The following TMTC2 variants were observed in gnomAD, a reference collection of about 807,000 sequenced individuals.
TMTC2 encodes the protein protein O-mannosyl-transferase TMTC2.
A neutral mutation model predicts 82.4 loss-of-function variants in TMTC2; 43 were observed. That is an observed-to-expected ratio of 0.52 (90% CI 0.41 to 0.67). The LOEUF (loss-of-function observed/expected upper bound fraction) is 0.67. Ranked by LOEUF, TMTC2 falls within the 30% of genes least tolerant of loss-of-function variation. The probability of loss-of-function intolerance (pLI) is 0.00; values close to 1 mark genes in which losing one functional copy is unlikely to be tolerated. For missense variants in TMTC2, 919 were observed against 1,012.4 expected (o/e 0.91, Z 1.25); for synonymous variants, 408 against 381.9 (o/e 1.07, Z -0.80).
chr12:82,871,385 A>G (rs1403132287), intron 2 of TMTC2, among the ~76,000 whole-genome samples: 1 of 149,732 alleles, frequency 6.7e-6, no homozygotes, highest in Non-Finnish European at 1.5e-5. Context: ...TTTTCACATT[A>G]CTTGGCTTTG....
chr12:82,771,693 A>G (rs546960440), intron 1 of TMTC2, among the ~76,000 whole-genome samples: 1 of 152,234 alleles, frequency 6.6e-6, no homozygotes. Context: ...TCAGTAGGAC[A>G]GAAAGGTTAT....
chr12:82,708,686 G>T (rs1382319995), intron 1 of TMTC2, among the ~76,000 whole-genome samples: 1 of 152,186 alleles, frequency 6.6e-6, no homozygotes, highest in Non-Finnish European at 1.5e-5. Flanking sequence ...CTGCTTCTAC[G>T]ATGCTCGAGT....
intron 1 of TMTC2, among the ~76,000 whole-genome samples, chr12:82,823,622 C>T (rs1195177286): frequency 6.6e-6 from 1 of 152,134 alleles, no homozygotes; most frequent in East Asian, 1.9e-4. Flanking sequence ...TAAAAATCTA[C>T]AGTTAGGGAA....
intron 7 of TMTC2, among the ~76,000 whole-genome samples, chr12:82,975,904 A>T (rs1878649223): frequency 6.6e-6 from 1 of 151,982 alleles, no homozygotes; most frequent in African/African-American, 2.4e-5. Context: ...TTTTAAAAAA[A>T]AAATAATGCT....
intron 11 of TMTC2, among the ~76,000 whole-genome samples, chr12:83,123,116 C>T (rs1422483912): frequency 6.6e-6 from 1 of 152,170 alleles, no homozygotes; most frequent in Non-Finnish European, 1.5e-5. Flanking sequence ...GTATAACACC[C>T]AACACTGTGA....
chr12:82,980,656 T>TC (rs1341671520), intron 7 of TMTC2, among the ~76,000 whole-genome samples: 1 of 151,708 alleles, frequency 6.6e-6, no homozygotes, highest in South Asian at 2.1e-4. Flanking sequence ...AATAGGCTTT[T>TC]CCCCCCATGA....
chr12:82,887,952 G>A (rs565244349), intron 2 of TMTC2, among the ~76,000 whole-genome samples: 20 of 152,240 alleles, frequency 1.3e-4, no homozygotes, highest in African/African-American at 4.8e-4. Flanking sequence ...GGTGGCACAT[G>A]CCTGTAATTC....
chr12:83,122,168 C>CT (rs1218371460), intron 11 of TMTC2, among the ~76,000 whole-genome samples: 1 of 151,836 alleles, frequency 6.6e-6, no homozygotes, highest in Non-Finnish European at 1.5e-5. Flanking sequence ...CGCTTCCCAG[C>CT]TATGAAAGCA....
At position 82,998,160 on chromosome 12, in the gene TMTC2, G is replaced by T. The variant is rs142542658; in HGVS notation, c.2070+12114G>T. 1.2e-3 allele frequency among the ~76,000 whole-genome samples: 181 copies of T among 152,284 alleles called. 1 individual carries two copies. Among genetic ancestry groups the T allele is most frequent in the African/African-American group, 4.2e-3 (176 of 41,570 alleles). ...GTAATTTATTACTGTCAAGTGTGCT[G>T]TCAGTGTTTAGCATTGGAAAACTTA... is the stretch of plus-strand genomic sequence containing the variant. On this transcript the variant is annotated intron_variant, in intron 8 of 11. Coordinates refer to ENST00000321196, the MANE Select transcript of TMTC2 (RefSeq NM_152588.3).
At chr12:83,072,407 C>T (rs1174705148) in intron 11 of TMTC2, among the ~76,000 whole-genome samples, 1 of 151,936 alleles carries the variant, frequency 6.6e-6, no homozygotes, top group Non-Finnish European at 1.5e-5. Context: ...TATTGAGGCT[C>T]GTTTTGTGGC....
chr12:82,919,537 G>A (rs1014729705), intron 3 of TMTC2, among the ~76,000 whole-genome samples: 9 of 152,112 alleles, frequency 5.9e-5, no homozygotes, highest in African/African-American at 2.2e-4. Flanking sequence ...ATCTAAATGA[G>A]ATATGGGTGA....
intron 1 of TMTC2, among the ~76,000 whole-genome samples, chr12:82,742,511 C>T (rs1355669962): frequency 3.3e-5 from 5 of 151,180 alleles, no homozygotes; most frequent in African/African-American, 4.9e-5. Context: ...CCCACTATAT[C>T]CTGTATATTC....
intron 4 of TMTC2, among the ~76,000 whole-genome samples, chr12:82,933,387 G>A (rs986426949): frequency 6.6e-6 from 1 of 151,940 alleles, no homozygotes; most frequent in Non-Finnish European, 1.5e-5. Flanking sequence ...ATTTGCATAG[G>A]TAGAAAAAAG....
Position 82,726,752 on chromosome 12 carries a change from G to T in TMTC2, c.83+39083G>T, listed in dbSNP as rs113000542. Among the ~76,000 whole-genome samples, 4 of 151,902 alleles carry T rather than the reference G, an allele frequency of 2.6e-5. No individual in the cohort carries two copies. In the South Asian group the frequency reaches 8.3e-4, roughly 32 times the overall value. ...AAATTAGCCGGGCGTGTTGGTGGGCGCCTGTAGTCCCAGCTACTCGGGAGG... is the reference window on the plus strand; with the variant it reads ...AAATTAGCCGGGCGTGTTGGTGGGCTCCTGTAGTCCCAGCTACTCGGGAGG... On this transcript the variant is annotated intron_variant, in intron 1 of 11. Transcript: ENST00000321196.
Position 82,872,737 on chromosome 12 carries a change from G to T in TMTC2, c.654+15157G>T, listed in dbSNP as rs755770525. 9.2e-5 allele frequency among the ~76,000 whole-genome samples: 14 copies of T among 152,222 alleles called. 1 individual carries two copies. Among genetic ancestry groups the T allele is most frequent in the African/African-American group, 3.1e-4 (13 of 41,540 alleles). On this transcript the variant is annotated intron_variant, in intron 2 of 11. Transcript: ENST00000321196. ...AAATTGTGCAGACTCTCTTGTGTGG[G>T]TTGTAAAGATCATAAAGACTTTCGA...
At chr12:82,720,235 C>T (rs1052468357) in intron 1 of TMTC2, among the ~76,000 whole-genome samples, 20 of 152,238 alleles carry the variant, frequency 1.3e-4, no homozygotes, top group African/African-American at 4.8e-4. Flanking sequence ...CTTCATGTCC[C>T]CGACCCCAGC....
chr12:82,705,282 A>G (rs1873296105), intron 1 of TMTC2, among the ~76,000 whole-genome samples: 1 of 152,224 alleles, frequency 6.6e-6, no homozygotes, highest in Admixed American at 6.5e-5. Flanking sequence ...CATCACCACT[A>G]AAGAACTTAC....
At chr12:82,996,836 A>G (rs1473254949) in intron 8 of TMTC2, among the ~76,000 whole-genome samples, 1 of 152,196 alleles carries the variant, frequency 6.6e-6, no homozygotes, top group Non-Finnish European at 1.5e-5. Context: ...TTGAGATGAA[A>G]TAGCAATAGC....
intron 1 of TMTC2, among the ~76,000 whole-genome samples, chr12:82,821,731 G>A (rs1174604969): frequency 6.6e-6 from 1 of 151,812 alleles, no homozygotes; most frequent in African/African-American, 2.4e-5. Context: ...AAAATTAGCC[G>A]GGCACGGTAA....
Sources: allele counts gnomAD v4.1 joint callset (sites outside exome capture counted in the v4.1 genomes callset), GRCh38; gene constraint gnomAD v4.1.1; transcripts MANE v1.5; gene names NCBI Gene and HGNC (gene_info 2026-07-23, HGNC 2026-07-21).